Variants in MYBPC1 observed in about 807,000 individuals in gnomAD.
The protein encoded by MYBPC1 is myosin-binding protein C, slow-type.
MYBPC1 carries 52 observed loss-of-function variants against 147.1 expected under a neutral mutation model. That is an observed-to-expected ratio of 0.35 (90% CI 0.28 to 0.45). The LOEUF (loss-of-function observed/expected upper bound fraction) is 0.45, where lower values mean the gene tolerates loss of function less well. Among genes scored for constraint, MYBPC1 ranks in the 20% least tolerant of loss-of-function variants. The probability of loss-of-function intolerance (pLI) is 1.00; values close to 1 mark genes in which losing one functional copy is unlikely to be tolerated. For synonymous variants in MYBPC1, 477 were observed against 475.9 expected (o/e 1.00, Z -0.03); for missense variants, 1,228 against 1,440.3 (o/e 0.85, Z 2.39).
chr12:101,626,841 C>T, intron 3 of MYBPC1, 31 bp from the exon 4 acceptor site: 5 of 1,594,270 alleles, frequency 3.1e-6, no homozygotes, highest in South Asian at 1.1e-5. Context: ...GTCTTTTCTC[C>T]TTGACTTTTT....
intron 14 of MYBPC1, 109 bp downstream of exon 14, chr12:101,648,259 T>C: frequency 2.7e-6 from 2 of 750,424 alleles, no homozygotes; most frequent in East Asian, 2.9e-5. Flanking sequence ...GAAAACAATC[T>C]CCACCTCATT....
intron 10 of MYBPC1, among the ~76,000 whole-genome samples, chr12:101,640,574 T>C (rs934098995): frequency 6.6e-6 from 1 of 152,212 alleles, no homozygotes; most frequent in African/African-American, 2.4e-5. Context: ...TGTTGTCTAG[T>C]CCTTCCCATC....
At chr12:101,664,213 A>G (rs1897057396) in intron 22 of MYBPC1, among the ~76,000 whole-genome samples, 1 of 152,186 alleles carries the variant, frequency 6.6e-6, no homozygotes, top group Non-Finnish European at 1.5e-5. Flanking sequence ...GATAGAAATA[A>G]TAGAAAAAGA....
chr12:101,672,182 A>T (rs1898879538), intron 24 of MYBPC1, among the ~76,000 whole-genome samples: 1 of 152,220 alleles, frequency 6.6e-6, no homozygotes, highest in Non-Finnish European at 1.5e-5. Context: ...CCTATCTTCA[A>T]CAACGTCGTT....
chr12:101,695,441 G>T, the MYBPC1 span, among the ~76,000 whole-genome samples: 4 of 152,086 alleles, frequency 2.6e-5, no homozygotes, highest in South Asian at 2.1e-4. Context: ...TTTATTTCTG[G>T]AATTTTCTAT....
At chr12:101,663,924 C>T (rs186027790) in intron 22 of MYBPC1, among the ~76,000 whole-genome samples, 1 of 152,230 alleles carries the variant, frequency 6.6e-6, no homozygotes, top group Admixed American at 6.5e-5. Flanking sequence ...AATTCTAAAA[C>T]CTATAATGAG....
chr12:101,627,950 A>T, intron 5 of MYBPC1, 146 bp downstream of exon 5: 1 of 952,460 alleles, frequency 1.0e-6, no homozygotes, highest in Non-Finnish European at 1.6e-6. Flanking sequence ...TCCTCTTACA[A>T]GAAAACTAAT....
chr12:101,646,735 C>CT, intron 12 of MYBPC1, 28 bp from the exon 13 acceptor site: 1 of 1,611,248 alleles, frequency 6.2e-7, no homozygotes, highest in African/African-American at 1.3e-5. Context: ...TTCACAGACT[C>CT]TGTTTATTTT....
chr12:101,675,991 C>T (rs1899879758), intron 26 of MYBPC1, among the ~76,000 whole-genome samples: 1 of 152,202 alleles, frequency 6.6e-6, no homozygotes, highest in South Asian at 2.1e-4. Context: ...CAAACTTGTC[C>T]AACCCGTGGC....
rs778316414 is a variant in MYBPC1 at position 101,676,277 on chromosome 12, T to A, written c.2949+846T>A. Among the ~76,000 whole-genome samples the A allele has an allele frequency of 1.1e-3, 168 of 152,228 alleles. 2 individuals are homozygous for A. Among genetic ancestry groups the A allele is most frequent in the Non-Finnish European group, 1.9e-3 (131 of 68,006 alleles). ...TGAGGAAACTGAGGCTTGCAGAGGA[T>A]AAATGACTTGCTAAAGATCACCAGA... On this transcript the variant is annotated intron_variant, in intron 26 of 31. Transcript: ENST00000361466.
In MYBPC1 at chr12:101,633,643, C is replaced by T. The variant is rs144634810; in HGVS notation, c.557-911C>T. ...CGGAGGTTGCAGTGAGACAAGACCGCGCCATTGCACTCCAGCCTGGGCAAC... is the reference window on the plus strand; with the variant it reads ...CGGAGGTTGCAGTGAGACAAGACCGTGCCATTGCACTCCAGCCTGGGCAAC... On this transcript the variant is annotated intron_variant, in intron 8 of 31. Transcript: ENST00000361466. 5.4e-3 allele frequency among the ~76,000 whole-genome samples: 820 copies of T among 150,918 alleles called. 2 individuals carry two copies. Among genetic ancestry groups the T allele is most frequent in the African/African-American group, 0.017 (689 of 41,154 alleles).
At position 101,651,249 on chromosome 12, in the gene MYBPC1, T is replaced by C. The variant is rs756346073; in HGVS notation, c.1382T>C (p.Leu461Ser). 61 of 1,614,126 alleles carry C rather than the reference T, an allele frequency of 3.8e-5. No individual in the cohort carries two copies. In the South Asian group the frequency reaches 6.6e-4, roughly 17 times the overall value. ...TCTACAGTGAAACCTCTGAAGATTT[T>C]GACACCTCTGACTGATCAGACTGTA... ...LSVDLKPLKI[L>S]TPLTDQTVNL... Residue 461 changes from leucine (L) to serine (S), a missense_variant, in exon 16 of 32, where the codon TTG (leucine) becomes TCG (serine). Leu to Ser is a moderately radical substitution (Grantham distance 145). Coordinates refer to ENST00000361466, the MANE Select transcript of MYBPC1 (RefSeq NM_002465.4).
chr12:101,613,082 A>T (rs1884846911), intron 1 of MYBPC1, among the ~76,000 whole-genome samples: 1 of 152,194 alleles, frequency 6.6e-6, no homozygotes, highest in South Asian at 2.1e-4. Flanking sequence ...TAATAAACTT[A>T]TTTATGGCCA....
intron 26 of MYBPC1, 27 bp from the exon 27 acceptor site, chr12:101,677,208 T>A (rs1323551176): frequency 1.2e-6 from 2 of 1,605,122 alleles, no homozygotes; most frequent in Admixed American, 3.3e-5. Flanking sequence ...GTGATTTTCC[T>A]CCAGTTATTA....
chr12:101,684,287 G>A, intron 30 of MYBPC1, 95 bp from the exon 31 acceptor site: 1 of 955,040 alleles, frequency 1.0e-6, no homozygotes, highest in South Asian at 1.3e-5. Context: ...TCATAATCAT[G>A]ACCATAATTT....
At chr12:101,620,442 G>A (rs1887117024) in intron 3 of MYBPC1, among the ~76,000 whole-genome samples, 1 of 152,196 alleles carries the variant, frequency 6.6e-6, no homozygotes, top group Non-Finnish European at 1.5e-5. Flanking sequence ...CTGGGCACTG[G>A]GTCCTGCCCT....
the MYBPC1 span, among the ~76,000 whole-genome samples, chr12:101,695,253 T>C: frequency 6.6e-6 from 1 of 152,190 alleles, no homozygotes; most frequent in Non-Finnish European, 1.5e-5. Flanking sequence ...TGCCGAACCC[T>C]ATATGTACTA....
At chr12:101,664,265 C>T in intron 22 of MYBPC1, among the ~76,000 whole-genome samples, 1 of 151,980 alleles carries the variant, frequency 6.6e-6, no homozygotes, top group Non-Finnish European at 1.5e-5. Context: ...TACCTGAAAA[C>T]CAAAAGAATG....
chr12:101,667,624 G>C, intron 22 of MYBPC1, 108 bp from the exon 23 acceptor site: 1 of 1,260,936 alleles, frequency 7.9e-7, no homozygotes, highest in Non-Finnish European at 1.1e-6. Flanking sequence ...TCTAAATGAT[G>C]TATTATTATG....
Sources: allele counts gnomAD v4.1 joint callset (sites outside exome capture counted in the v4.1 genomes callset), GRCh38; gene constraint gnomAD v4.1.1; transcripts MANE v1.5; gene names NCBI Gene and HGNC (gene_info 2026-07-23, HGNC 2026-07-21).